The following WIPF3 variants were observed in gnomAD, a reference collection of about 807,000 sequenced individuals.
WIPF3 encodes the protein WAS/WASL interacting protein family member 3, also known as WAS/WASL-interacting protein family member 3.
A neutral mutation model predicts 38.9 loss-of-function variants in WIPF3; 33 were observed. The observed-to-expected ratio is 0.85, with a 90% CI of 0.64 to 1.14. The LOEUF (loss-of-function observed/expected upper bound fraction) is 1.14. WIPF3 is among the 50% of genes most tolerant of loss of function. The probability of loss-of-function intolerance (pLI) is 0.00; values close to 1 mark genes in which losing one functional copy is unlikely to be tolerated. For missense variants in WIPF3, 711 were observed against 652.5 expected (o/e 1.09, Z -0.98); for synonymous variants, 324 against 269.3 (o/e 1.20, Z -1.99).
intron 2 of WIPF3, among the ~76,000 whole-genome samples, chr7:29,859,651 T>A (rs991543921): frequency 6.6e-5 from 10 of 152,158 alleles, no homozygotes; most frequent in Admixed American, 6.5e-4. Flanking sequence ...ATTGCAGAAG[T>A]CTTTGGCAGG....
At chr7:29,837,509 T>A (rs948932824) in intron 2 of WIPF3, among the ~76,000 whole-genome samples, 2 of 152,254 alleles carry the variant, frequency 1.3e-5, no homozygotes, top group African/African-American at 4.8e-5. Context: ...TCTTTAAAGA[T>A]GCTTAAATGC....
intron 2 of WIPF3, among the ~76,000 whole-genome samples, chr7:29,839,242 G>C (rs1784877792): frequency 6.6e-6 from 1 of 152,242 alleles, no homozygotes; most frequent in African/African-American, 2.4e-5. Flanking sequence ...TTCTATTTGT[G>C]GCACTGGACA....
chr7:29,842,418 C>T (rs1784926879), intron 2 of WIPF3, among the ~76,000 whole-genome samples: 1 of 152,172 alleles, frequency 6.6e-6, no homozygotes, highest in African/African-American at 2.4e-5. Context: ...AGTGATGTTT[C>T]ATAGAATGCT....
chr7:29,872,720 C>G (rs896507970), intron 2 of WIPF3, among the ~76,000 whole-genome samples: 1 of 139,664 alleles, frequency 7.2e-6, no homozygotes. Context: ...GGCGTGAACC[C>G]GGGAAGCGGA....
chr7:29,877,869 A>T (rs991051584), intron 3 of WIPF3, among the ~76,000 whole-genome samples: 3 of 152,212 alleles, frequency 2.0e-5, no homozygotes, highest in South Asian at 2.1e-4. Flanking sequence ...TCAAAATTTT[A>T]AAAAAATCTG....
Position 29,884,264 on chromosome 7 carries a change from T to TGGCCC in WIPF3, c.770_771insGGCCC (p.Pro258AlafsTer118). 773 of 1,314,224 alleles carry TGGCCC rather than the reference T, an allele frequency of 5.9e-4. No individual in the cohort carries two copies. Among genetic ancestry groups the TGGCCC allele is most frequent in the Non-Finnish European group, 7.1e-4 (706 of 991,738 alleles). The allele number at this position is 1,314,224 out of a possible 1,614,324, so 81.4% of individuals were successfully genotyped here. ...AAGCCTCAGCTGGCTCCCTTGCACC[T>TGGCCC]CCCGCCCATCCCGCCCCCGCTCCCT... On this transcript the variant is annotated frameshift_variant, in exon 5 of 9. Transcript: ENST00000242140. LOFTEE classifies it high-confidence loss of function.
intron 7 of WIPF3, among the ~76,000 whole-genome samples, chr7:29,902,516 TG>T (rs1786308881): frequency 6.6e-6 from 1 of 152,150 alleles, no homozygotes; most frequent in East Asian, 1.9e-4. Flanking sequence ...TTATATATGT[TG>T]TAGAAAAGTT....
intron 1 of WIPF3, among the ~76,000 whole-genome samples, chr7:29,832,465 G>A (rs755829413): frequency 2.6e-5 from 4 of 152,160 alleles, no homozygotes; most frequent in Non-Finnish European, 4.4e-5. Context: ...AAAGAAACAC[G>A]TACTACCCCA....
intron 7 of WIPF3, 48 bp from the exon 8 acceptor site, chr7:29,904,238 C>G: frequency 6.3e-7 from 1 of 1,583,512 alleles, no homozygotes; most frequent in Non-Finnish European, 8.7e-7. Flanking sequence ...AACATGCACA[C>G]CCGGTCCCTG....
intron 1 of WIPF3, among the ~76,000 whole-genome samples, chr7:29,808,747 A>G (rs1245244400): frequency 2.0e-5 from 3 of 152,086 alleles, no homozygotes; most frequent in African/African-American, 7.2e-5. Flanking sequence ...AGTTATAAGA[A>G]CAGGGGAAAG....
At chr7:29,829,835 T>C (rs1784687398) in intron 1 of WIPF3, among the ~76,000 whole-genome samples, 2 of 152,176 alleles carry the variant, frequency 1.3e-5, no homozygotes, top group Non-Finnish European at 2.9e-5. Context: ...CACCACCCTC[T>C]AATGGTGCTT....
At chr7:29,814,936 G>A (rs1784433836) in intron 1 of WIPF3, among the ~76,000 whole-genome samples, 1 of 152,134 alleles carries the variant, frequency 6.6e-6, no homozygotes, top group Non-Finnish European at 1.5e-5. Flanking sequence ...CCCTATTAGA[G>A]GAGGGGACAT....
intron 4 of WIPF3, among the ~76,000 whole-genome samples, chr7:29,881,111 C>T (rs546820480): frequency 6.6e-6 from 1 of 152,272 alleles, no homozygotes; most frequent in East Asian, 1.9e-4. Flanking sequence ...GGTCTCTGCT[C>T]AGGTGGCAGC....
intron 1 of WIPF3, among the ~76,000 whole-genome samples, chr7:29,807,985 A>G (rs572032715): frequency 6.6e-6 from 1 of 152,256 alleles, no homozygotes; most frequent in South Asian, 2.1e-4. Flanking sequence ...TCATTACGAA[A>G]GAGGTCAGAG....
At chr7:29,873,170 A>G (rs1208249164) in intron 2 of WIPF3, among the ~76,000 whole-genome samples, 1 of 152,190 alleles carries the variant, frequency 6.6e-6, no homozygotes, top group Non-Finnish European at 1.5e-5. Context: ...TAAACAGTCT[A>G]AATTGGATGA....
At chr7:29,893,080 A>C (rs909853883) in intron 7 of WIPF3, among the ~76,000 whole-genome samples, 4 of 152,008 alleles carry the variant, frequency 2.6e-5, no homozygotes, top group Non-Finnish European at 5.9e-5. Context: ...CAAAAAACAA[A>C]AAAAAAAGAG....
intron 2 of WIPF3, among the ~76,000 whole-genome samples, chr7:29,854,507 C>G (rs554528768): frequency 6.6e-6 from 1 of 152,306 alleles, no homozygotes; most frequent in East Asian, 1.9e-4. Context: ...GACTTTGACA[C>G]ACTCTGAAAA....
intron 7 of WIPF3, among the ~76,000 whole-genome samples, chr7:29,894,293 C>T (rs1291062935): frequency 6.6e-6 from 1 of 152,166 alleles, no homozygotes; most frequent in Non-Finnish European, 1.5e-5. Context: ...TCACTGCACA[C>T]AGCTTGCCAG....
intron 2 of WIPF3, among the ~76,000 whole-genome samples, chr7:29,850,313 G>C (rs1373167110): frequency 1.3e-5 from 2 of 152,156 alleles, no homozygotes; most frequent in African/African-American, 4.8e-5. Flanking sequence ...GGAGTATAAA[G>C]GATAATGGAA....
Sources: gnomAD v4.1 joint callset for allele counts (sites outside exome capture counted in the v4.1 genomes callset) on GRCh38, gnomAD v4.1.1 for gene constraint, MANE v1.5 for transcripts, NCBI Gene and HGNC (gene_info 2026-07-23, HGNC 2026-07-21) for gene names.